The following CLSTN2 variants were observed in gnomAD, a reference collection of about 807,000 sequenced individuals.
CLSTN2 encodes calsyntenin-2.
In CLSTN2, 48 loss-of-function variants were observed where a neutral mutation model predicts 101.2. The observed-to-expected ratio is 0.47, with a 90% CI of 0.38 to 0.60. CLSTN2 has a LOEUF of 0.60. CLSTN2 is among the 20% of genes least tolerant of loss of function. The probability of loss-of-function intolerance (pLI) is 0.00; values close to 1 mark genes in which losing one functional copy is unlikely to be tolerated. For synonymous variants in CLSTN2, 481 were observed against 463.6 expected (o/e 1.04, Z -0.48); for missense variants, 1,160 against 1,238.2 (o/e 0.94, Z 0.95).
intron 1 of CLSTN2, among the ~76,000 whole-genome samples, chr3:139,951,416 T>A (rs2107810484): frequency 6.6e-6 from 1 of 152,220 alleles, no homozygotes; most frequent in Admixed American, 6.5e-5. Flanking sequence ...GTCTCCCTGG[T>A]GGGGGATGCT....
intron 2 of CLSTN2, among the ~76,000 whole-genome samples, chr3:140,322,308 A>G (rs2087291561): frequency 6.6e-6 from 1 of 152,234 alleles, no homozygotes; most frequent in African/African-American, 2.4e-5. Context: ...TTTGGGAGTC[A>G]TTGAATAAAC....
At chr3:140,399,056 G>A (rs2107975597) in intron 2 of CLSTN2, among the ~76,000 whole-genome samples, 1 of 152,342 alleles carries the variant, frequency 6.6e-6, no homozygotes, top group Middle Eastern at 3.4e-3. Context: ...TGAGCCTGGT[G>A]GCCTGGTGCT....
At chr3:140,222,886 A>AAC (rs2086287416) in intron 2 of CLSTN2, among the ~76,000 whole-genome samples, 1 of 151,258 alleles carries the variant, frequency 6.6e-6, no homozygotes, top group Admixed American at 6.6e-5. Flanking sequence ...AAAAAAAAAA[A>AAC]AACACTGCTA....
At chr3:140,427,642 C>A (rs1396293855) in intron 5 of CLSTN2, among the ~76,000 whole-genome samples, 1 of 152,108 alleles carries the variant, frequency 6.6e-6, no homozygotes. Flanking sequence ...AAGAAGGCTA[C>A]AGACACTCCC....
chr3:140,157,530 G>A (rs2107817858), intron 1 of CLSTN2, among the ~76,000 whole-genome samples: 1 of 152,298 alleles, frequency 6.6e-6, no homozygotes, highest in East Asian at 1.9e-4. Flanking sequence ...TGTGCATAGA[G>A]TTGTTCGTAA....
At chr3:140,053,632 C>T (rs2008043947) in intron 1 of CLSTN2, among the ~76,000 whole-genome samples, 1 of 152,200 alleles carries the variant, frequency 6.6e-6, no homozygotes, top group Non-Finnish European at 1.5e-5. Flanking sequence ...TGTCTGCTCT[C>T]TGTCTTCCCC....
At chr3:140,237,193 A>G (rs2086425918) in intron 2 of CLSTN2, among the ~76,000 whole-genome samples, 1 of 152,066 alleles carries the variant, frequency 6.6e-6, no homozygotes, top group African/African-American at 2.4e-5. Context: ...GCTTTTCAAG[A>G]CTTGTTTTTA....
At chr3:139,986,372 G>A (rs534360924) in intron 1 of CLSTN2, among the ~76,000 whole-genome samples, 1 of 152,188 alleles carries the variant, frequency 6.6e-6, no homozygotes, top group East Asian at 1.9e-4. Flanking sequence ...CTCCTCCCCA[G>A]CCCTTTGAGG....
chr3:140,473,752 T>TG (rs1553746649), intron 8 of CLSTN2, among the ~76,000 whole-genome samples: 105 of 151,216 alleles, frequency 6.9e-4, no homozygotes, highest in East Asian at 2.5e-3. Flanking sequence ...GTGTTTTTTT[T>TG]TTGTTGTTGT....
At chr3:140,458,183 TG>T (rs1933452625) in intron 6 of CLSTN2, among the ~76,000 whole-genome samples, 2 of 151,772 alleles carry the variant, frequency 1.3e-5, no homozygotes, top group East Asian at 3.9e-4. Context: ...TTTTTTTTTT[TG>T]TAGTGGCTGA....
At chr3:140,050,980 T>C (rs1249461884) in intron 1 of CLSTN2, among the ~76,000 whole-genome samples, 3 of 152,152 alleles carry the variant, frequency 2.0e-5, no homozygotes, top group Non-Finnish European at 2.9e-5. Context: ...AACACAGCTT[T>C]TGAACAACAA....
chr3:140,005,657 T>G (rs545167750), intron 1 of CLSTN2, among the ~76,000 whole-genome samples: 1 of 152,364 alleles, frequency 6.6e-6, no homozygotes, highest in South Asian at 2.1e-4. Flanking sequence ...GACAAAAGTT[T>G]CTCAATTTTT....
At chr3:139,999,430 A>G (rs2006771424) in intron 1 of CLSTN2, among the ~76,000 whole-genome samples, 1 of 151,952 alleles carries the variant, frequency 6.6e-6, no homozygotes, top group Non-Finnish European at 1.5e-5. Context: ...GAACCTGGGA[A>G]TGGGGAACTG....
At chr3:140,373,613 GCTCT>G (rs1271397089) in intron 2 of CLSTN2, among the ~76,000 whole-genome samples, 1 of 152,216 alleles carries the variant, frequency 6.6e-6, no homozygotes, top group Non-Finnish European at 1.5e-5. Context: ...AAGAGAAAGA[GCTCT>G]CTAAGTGCAA....
At chr3:140,222,904 C>A (rs1205747446) in intron 2 of CLSTN2, among the ~76,000 whole-genome samples, 1 of 149,354 alleles carries the variant, frequency 6.7e-6, no homozygotes, top group African/African-American at 2.5e-5. Context: ...CTATGCCAGG[C>A]CTTACTCCTA....
chr3:140,384,396 C>T (rs898023149), intron 2 of CLSTN2, among the ~76,000 whole-genome samples: 4 of 152,194 alleles, frequency 2.6e-5, no homozygotes, highest in Non-Finnish European at 5.9e-5. Flanking sequence ...AATTGATTTT[C>T]AAACTTCCCC....
chr3:140,446,910 A>G (rs945850927), intron 5 of CLSTN2, among the ~76,000 whole-genome samples: 2 of 152,144 alleles, frequency 1.3e-5, no homozygotes, highest in African/African-American at 4.8e-5. Context: ...CTCTCTCCCT[A>G]GGCTCCTGAC....
Position 140,440,908 on chromosome 3 carries a change from G to A in CLSTN2, c.788-7611G>A, listed in dbSNP as rs569845624. 5.9e-5 allele frequency among the ~76,000 whole-genome samples: 9 copies of A among 152,276 alleles called. No individual in the cohort carries two copies. In the South Asian group the frequency reaches 6.2e-4, roughly 11 times the overall value. Reference sequence around the variant, plus strand: ...AGTATAAAGTGGAAACAAGGGGCTCGTTGTTTAAAAATTATTAAGAAAGTT... The same window carrying A: ...AGTATAAAGTGGAAACAAGGGGCTCATTGTTTAAAAATTATTAAGAAAGTT... On this transcript the variant is annotated intron_variant, in intron 5 of 16. Coordinates refer to ENST00000458420, the MANE Select transcript of CLSTN2 (RefSeq NM_022131.3).
intron 1 of CLSTN2, among the ~76,000 whole-genome samples, chr3:140,160,785 A>G (rs1437709706): frequency 6.6e-6 from 1 of 152,170 alleles, no homozygotes; most frequent in Non-Finnish European, 1.5e-5. Context: ...TTTTATGTCT[A>G]TATCCCTAAC....
Sources: gnomAD v4.1 joint callset for allele counts (sites outside exome capture counted in the v4.1 genomes callset) on GRCh38, gnomAD v4.1.1 for gene constraint, MANE v1.5 for transcripts, NCBI Gene and HGNC (gene_info 2026-07-23, HGNC 2026-07-21) for gene names.